The following XKR9 variants were observed in gnomAD, a reference collection of about 807,000 sequenced individuals.
XKR9 encodes XK related 9.
XKR9 carries 32 observed loss-of-function variants against 32.0 expected under a neutral mutation model. The ratio of observed to expected loss-of-function variants is 1.00; its 90% confidence interval spans 0.76 to 1.34. The LOEUF (loss-of-function observed/expected upper bound fraction) is 1.34. Ranked by LOEUF, XKR9 falls within the 40% of genes most tolerant of loss-of-function variation. The pLI is 0.00. For missense variants in XKR9, 546 were observed against 429.7 expected (o/e 1.27, Z -2.39); for synonymous variants, 168 against 143.4 (o/e 1.17, Z -1.22).
chr8:70,851,994 G>A, the XKR9 span, among the ~76,000 whole-genome samples: 1 of 152,166 alleles, frequency 6.6e-6, no homozygotes, highest in Admixed American at 6.6e-5. Flanking sequence ...AAGTGAACAG[G>A]CAATCTACAG....
At chr8:70,682,548 G>T (rs554859981) in intron 3 of XKR9, among the ~76,000 whole-genome samples, 2 of 152,188 alleles carry the variant, frequency 1.3e-5, no homozygotes, top group African/African-American at 4.8e-5. Flanking sequence ...AGTAATTTTT[G>T]ATTGAATATT....
the XKR9 span, among the ~76,000 whole-genome samples, chr8:70,811,553 TAAA>T: frequency 3.6e-4 from 54 of 151,588 alleles, no homozygotes; most frequent in Middle Eastern, 6.8e-3. Flanking sequence ...GCAAGACTAA[TAAA>T]GAAGAAAAGA....
chr8:70,849,037 C>A, the XKR9 span, among the ~76,000 whole-genome samples: 1 of 151,950 alleles, frequency 6.6e-6, no homozygotes, highest in Admixed American at 6.6e-5. Flanking sequence ...ATTAGATCAA[C>A]AAGACAGAAA....
the XKR9 span, among the ~76,000 whole-genome samples, chr8:70,878,430 C>T: frequency 6.6e-6 from 1 of 151,880 alleles, no homozygotes; most frequent in Non-Finnish European, 1.5e-5. Flanking sequence ...CAAAGATGCA[C>T]ATAGGCTCAA....
the XKR9 span, among the ~76,000 whole-genome samples, chr8:70,855,957 T>C: frequency 1.3e-5 from 2 of 152,116 alleles, no homozygotes; most frequent in Non-Finnish European, 2.9e-5. Flanking sequence ...AGGCCTGCCC[T>C]AAAAGAGCTC....
the XKR9 span, among the ~76,000 whole-genome samples, chr8:71,041,150 A>C: frequency 6.6e-6 from 1 of 152,188 alleles, no homozygotes; most frequent in African/African-American, 2.4e-5. Flanking sequence ...AGTTGCTGAT[A>C]TCAAGACAAC....
the XKR9 span, among the ~76,000 whole-genome samples, chr8:70,952,502 G>A: frequency 7.2e-5 from 11 of 152,180 alleles, no homozygotes; most frequent in East Asian, 1.9e-4. Context: ...GCATGAATTC[G>A]TTTGTCAAGT....
the XKR9 span, among the ~76,000 whole-genome samples, chr8:70,982,677 G>A: frequency 2.0e-5 from 3 of 152,166 alleles, no homozygotes; most frequent in African/African-American, 7.2e-5. Context: ...CTGCAGTGGT[G>A]ATCCAGTTCC....
At chr8:70,698,162 GT>G (rs1182582055) in intron 3 of XKR9, among the ~76,000 whole-genome samples, 5 of 151,198 alleles carry the variant, frequency 3.3e-5, no homozygotes, top group Non-Finnish European at 7.4e-5. Context: ...TTTTTTGAAG[GT>G]TTTTTTGTGT....
At chr8:71,061,100 C>T in the XKR9 span, among the ~76,000 whole-genome samples, 1 of 152,108 alleles carries the variant, frequency 6.6e-6, no homozygotes, top group African/African-American at 2.4e-5. Flanking sequence ...TAAAATGAGG[C>T]ACAAAGAAGC....
the XKR9 span, among the ~76,000 whole-genome samples, chr8:70,979,381 C>G: frequency 6.6e-6 from 1 of 152,154 alleles, no homozygotes; most frequent in African/African-American, 2.4e-5. Flanking sequence ...GTTTTATCTA[C>G]GTTTGGTGTT....
At chr8:70,871,738 C>T in the XKR9 span, among the ~76,000 whole-genome samples, 1 of 151,956 alleles carries the variant, frequency 6.6e-6, no homozygotes, top group African/African-American at 2.4e-5. Context: ...TATAAGTATT[C>T]AAATAAAAGG....
At chr8:70,934,335 G>C in the XKR9 span, among the ~76,000 whole-genome samples, 1 of 151,960 alleles carries the variant, frequency 6.6e-6, no homozygotes, top group Non-Finnish European at 1.5e-5. Flanking sequence ...TGTTTGATGG[G>C]CTGATGTTCA....
the XKR9 span, among the ~76,000 whole-genome samples, chr8:71,052,485 C>T: frequency 6.6e-6 from 1 of 152,162 alleles, no homozygotes. Flanking sequence ...GAATCCAGGA[C>T]TCTGACATTA....
the XKR9 span, among the ~76,000 whole-genome samples, chr8:70,942,764 T>A: frequency 2.0e-5 from 3 of 152,136 alleles, no homozygotes; most frequent in Non-Finnish European, 4.4e-5. Context: ...TTAAATAAGA[T>A]AATGTACACG....
intron 3 of XKR9, among the ~76,000 whole-genome samples, chr8:70,695,563 A>T (rs929572473): frequency 1.1e-4 from 16 of 151,708 alleles, no homozygotes; most frequent in African/African-American, 3.6e-4. Context: ...ACATTTTCTT[A>T]ATCCAGTCTA....
chr8:70,700,986 G>A (rs1019025372), intron 3 of XKR9, among the ~76,000 whole-genome samples: 9 of 152,198 alleles, frequency 5.9e-5, no homozygotes, highest in South Asian at 4.1e-4. Flanking sequence ...AGGACCCTCC[G>A]AGCCAGGTGT....
the XKR9 span, among the ~76,000 whole-genome samples, chr8:71,057,861 G>A: frequency 6.6e-6 from 1 of 152,134 alleles, no homozygotes; most frequent in African/African-American, 2.4e-5. Context: ...GCCACTCTGA[G>A]CCTTTGGGAG....
chr8:70,790,518 A>G (rs2130268980), downstream of XKR9: 1 of 152,138 alleles, frequency 6.6e-6, no homozygotes, highest in South Asian at 2.1e-4. Context: ...TCATGAGAGG[A>G]TGGTTCACAT....
Sources: allele counts gnomAD v4.1 joint callset (sites outside exome capture counted in the v4.1 genomes callset), GRCh38; gene constraint gnomAD v4.1.1; transcripts MANE v1.5; gene names NCBI Gene and HGNC (gene_info 2026-07-23, HGNC 2026-07-21).